SIRT1: variants seen among roughly 807,000 people sequenced by gnomAD.
SIRT1 encodes the protein NAD-dependent protein deacetylase sirtuin-1.
In SIRT1, 24 loss-of-function variants were observed where a neutral mutation model predicts 67.9. The ratio of observed to expected loss-of-function variants is 0.35; its 90% CI spans 0.26 to 0.50. The LOEUF (loss-of-function observed/expected upper bound fraction) is 0.50. Among genes scored for constraint, SIRT1 ranks in the 20% least tolerant of loss-of-function variants. The pLI is 0.98. For missense variants in SIRT1, 873 were observed against 937.2 expected (o/e 0.93, Z 0.89); for synonymous variants, 378 against 350.7 (o/e 1.08, Z -0.87).
chr10:67,884,716 TG>T lies in SIRT1; in HGVS notation c.-4del. On this transcript the variant is annotated 5_prime_UTR_variant, in exon 1 of 9. Transcript: ENST00000212015. The stretch of plus-strand genomic sequence containing the variant: ...GAGGGAGGAGGGCCAGAGAGGCAGT[TG>T]GAAGATGGCGGACGAGGCGGCCCTC... The T allele has an allele frequency of 3.3e-6, 4 of 1,228,178 alleles. No individual in the cohort carries two copies. The highest frequency in any genetic ancestry group is 4.1e-6 in the Non-Finnish European group (4 of 985,756). 76.1% of individuals were successfully genotyped at this position (1,228,178 alleles called of 1,614,324 possible).
chr10:67,888,587 A>T lies in SIRT1; in HGVS notation c.548-295A>T, dbSNP rs532092404. ...CCCTTTTGTAAATACTTTTGGTATT[A>T]TGGTGTGTGTTTCTAGATATTAACC... On this transcript the variant is annotated intron_variant, in intron 2 of 8. Coordinates refer to ENST00000212015, the MANE Select transcript of SIRT1 (RefSeq NM_012238.5). Among the ~76,000 whole-genome samples, 5 of 152,230 alleles carry T rather than the reference A, an allele frequency of 3.3e-5. No homozygotes were observed. The South Asian group carries it at 1.0e-3, about 32-fold the overall frequency.
intron 1 of SIRT1, 105 bp downstream of exon 1, chr10:67,885,256 C>A (rs1051530893): frequency 8.0e-7 from 1 of 1,249,526 alleles, no homozygotes; most frequent in African/African-American, 1.6e-5. Context: ...GCAGGCTCCG[C>A]GGCGTTCCCC....
At chr10:67,887,802 C>G (rs1842509358) in intron 2 of SIRT1, among the ~76,000 whole-genome samples, 2 of 152,106 alleles carry the variant, frequency 1.3e-5, no homozygotes, top group Admixed American at 1.3e-4. Flanking sequence ...TCTTGAACTC[C>G]CGACCTCAGG....
chr10:67,894,710 TTTA>T (rs1244723866), intron 4 of SIRT1, among the ~76,000 whole-genome samples: 6 of 152,112 alleles, frequency 3.9e-5, no homozygotes, highest in East Asian at 3.8e-4. Flanking sequence ...TATAAATTTA[TTTA>T]TTATTATTAT....
At chr10:67,892,787 A>G (rs1254654787) in intron 4 of SIRT1, among the ~76,000 whole-genome samples, 2 of 152,024 alleles carry the variant, frequency 1.3e-5, no homozygotes, top group Non-Finnish European at 2.9e-5. Flanking sequence ...TTTTTAGTAG[A>G]GACAGGGTTT....
At position 67,889,062 on chromosome 10, in the gene SIRT1, T is replaced by C. The variant is rs776084517; in HGVS notation, c.728T>C (p.Ile243Thr). ...KRKKRKDINT[I>T]EDAVKLLQEC... ...AAAAAAAGAAAAGATATTAATACAA[T>C]TGAAGATGCTGTGAAATTACTGCAA... The change falls in exon 3 of 9, where the codon ATT (isoleucine) becomes ACT (threonine). Residue 243 changes from isoleucine to threonine, a missense_variant. Around this residue, in one of 3 missense-constraint regions of SIRT1, gnomAD observed 251 missense variants for 358.8 expected, o/e 0.70. Transcript: ENST00000212015. The C allele has an allele frequency of 6.2e-7, 1 of 1,610,426 alleles. No individual in the cohort carries two copies. The highest frequency in any genetic ancestry group is 8.5e-7 in the Non-Finnish European group (1 of 1,179,708).
rs1282407334 is a variant in SIRT1, at chr10:67,916,786, C to CT, written c.*194dup. The CT allele has an allele frequency of 2.2e-5, 8 of 363,354 alleles. No homozygotes were observed. The highest frequency in any genetic ancestry group is 3.9e-5 in the Non-Finnish European group (8 of 207,360). The allele number at this position is 363,354 out of a possible 1,614,324, so 22.5% of individuals were successfully genotyped here. On this transcript the variant is annotated 3_prime_UTR_variant, in exon 9 of 9. Transcript: ENST00000212015. ...TTTCTGTACTTGTACAAACTCAACA[C>CT]TAACTTTTTTTTTTTTAAAAAAAAA... is the stretch of plus-strand genomic sequence containing the variant.
At chr10:67,914,019 C>CT (rs373533060) in intron 8 of SIRT1, among the ~76,000 whole-genome samples, 20 of 141,282 alleles carry the variant, frequency 1.4e-4, no homozygotes, top group African/African-American at 5.1e-4. Flanking sequence ...GAACAAAGTA[C>CT]TTTATTATTG....
chr10:67,891,986 C>G (rs1304458531), intron 4 of SIRT1, among the ~76,000 whole-genome samples: 2 of 152,138 alleles, frequency 1.3e-5, no homozygotes, highest in Admixed American at 1.3e-4. Context: ...TGGGAAGATT[C>G]TTGGGTTGCA....
chr10:67,909,405 G>T lies in SIRT1; in HGVS notation c.1320G>T (p.Gly440=). 6.2e-7 allele frequency: 1 copy of T among 1,612,282 alleles called. No homozygotes were observed. Among genetic ancestry groups the T allele is most frequent in the Non-Finnish European group, 8.5e-7 (1 of 1,179,602 alleles). Reference sequence around the variant, plus strand: ...AAGTTGACCTCCTCATTGTTATTGGGTCTTCCCTCAAAGTAAGACCAGTAG... The same window carrying T: ...AAGTTGACCTCCTCATTGTTATTGGTTCTTCCCTCAAAGTAAGACCAGTAG... ...KDEVDLLIVI[G]SSLKVRPVAL... Residue 440 remains glycine, a synonymous_variant, in exon 7 of 9, where the codon GGG becomes GGT. Coordinates refer to ENST00000212015, the MANE Select transcript of SIRT1 (RefSeq NM_012238.5).
At chr10:67,907,590 C>T (rs1416006964) in intron 5 of SIRT1, among the ~76,000 whole-genome samples, 1 of 150,524 alleles carries the variant, frequency 6.6e-6, no homozygotes, top group African/African-American at 2.4e-5. Context: ...ACTAAAAGAA[C>T]TGGATAGTTG....
intron 3 of SIRT1, among the ~76,000 whole-genome samples, chr10:67,891,175 AT>A (rs1842566806): frequency 6.6e-6 from 1 of 152,208 alleles, no homozygotes; most frequent in Non-Finnish European, 1.5e-5. Context: ...TGACTTAAAA[AT>A]TCCTTATCTG....
chr10:67,904,294 A>G (rs1296435997), intron 4 of SIRT1, among the ~76,000 whole-genome samples: 1 of 151,058 alleles, frequency 6.6e-6, no homozygotes, highest in African/African-American at 2.4e-5. Context: ...GGCCCAGCTA[A>G]TTTTTGTGAT....
At chr10:67,900,663 C>G (rs1842731545) in intron 4 of SIRT1, among the ~76,000 whole-genome samples, 1 of 151,952 alleles carries the variant, frequency 6.6e-6, no homozygotes, top group African/African-American at 2.4e-5. Flanking sequence ...AGGCTGGTCT[C>G]AAACTCCTGA....
At chr10:67,903,540 T>C (rs1329828817) in intron 4 of SIRT1, among the ~76,000 whole-genome samples, 2 of 152,004 alleles carry the variant, frequency 1.3e-5, no homozygotes, top group African/African-American at 4.8e-5. Context: ...CCCGCCACCA[T>C]GCCCAGCTAA....
Position 67,916,331 on chromosome 10 carries a change from C to G in SIRT1, c.1982C>G (p.Ser661Cys). ...IFHGAEVYSD[S>C]EDDVLSSSSC... The stretch of plus-strand genomic sequence containing the variant: ...CATGGCGCTGAGGTATATTCAGACT[C>G]TGAAGATGACGTCTTATCCTCTAGT... Residue 661 changes from serine (S) to cysteine (C), a missense_variant, in exon 9 of 9, where the codon TCT becomes TGT. Ser to Cys is a moderately radical substitution (Grantham distance 112). This residue lies in a region of SIRT1 where 295 missense variants were observed against 294.5 expected (regional missense o/e 1.00). Coordinates refer to ENST00000212015, the MANE Select transcript of SIRT1 (RefSeq NM_012238.5). 6.2e-7 allele frequency: 1 copy of G among 1,613,924 alleles called. No homozygotes were observed. Among genetic ancestry groups the G allele is most frequent in the Non-Finnish European group, 8.5e-7 (1 of 1,179,800 alleles).
chr10:67,902,081 C>A (rs1454832161), intron 4 of SIRT1, among the ~76,000 whole-genome samples: 2 of 152,200 alleles, frequency 1.3e-5, no homozygotes, highest in Non-Finnish European at 2.9e-5. Flanking sequence ...CTCCGCCTCC[C>A]AGGTACAAGC....
intron 8 of SIRT1, among the ~76,000 whole-genome samples, chr10:67,915,928 C>A (rs766515935): frequency 4.6e-5 from 7 of 152,142 alleles, no homozygotes; most frequent in Admixed American, 3.3e-4. Context: ...GGTACACTTA[C>A]AAAGATACAA....
intron 4 of SIRT1, among the ~76,000 whole-genome samples, chr10:67,893,825 G>A (rs937463865): frequency 2.0e-5 from 3 of 152,196 alleles, no homozygotes; most frequent in African/African-American, 7.2e-5. Flanking sequence ...TTACAGGTGC[G>A]AGGCACCGCG....
Sources: gnomAD v4.1 joint callset for allele counts (sites outside exome capture counted in the v4.1 genomes callset) on GRCh38, gnomAD v4.1.1 for gene constraint, gnomAD v4.1.1 regional missense constraint, MANE v1.5 for transcripts, NCBI Gene and HGNC (gene_info 2026-07-23, HGNC 2026-07-21) for gene names.